Variants in ZNF490 observed in about 807,000 individuals in gnomAD.
ZNF490 encodes zinc finger protein 490.
In ZNF490, 11 loss-of-function variants were observed where a neutral mutation model predicts 17.7. The ratio of observed to expected loss-of-function variants is 0.62; its 90% CI spans 0.39 to 1.03. ZNF490 has a LOEUF of 1.03. Ranked by LOEUF, ZNF490 falls within the 50% of genes least tolerant of loss-of-function variation. The probability of loss-of-function intolerance (pLI) is 0.00; values close to 1 mark genes in which losing one functional copy is unlikely to be tolerated. For synonymous variants in ZNF490, 222 were observed against 216.1 expected (o/e 1.03, Z -0.24); for missense variants, 542 against 643.4 (o/e 0.84, Z 1.71).
Position 12,580,433 on chromosome 19 carries a change from A to G in ZNF490, c.*52T>C. 17 of 1,526,436 alleles carry G rather than the reference A, an allele frequency of 1.1e-5. No homozygotes were observed. Among genetic ancestry groups the G allele is most frequent in the Non-Finnish European group, 1.4e-5 (16 of 1,139,608 alleles). The allele number at this position is 1,526,436 out of a possible 1,614,324, so 94.6% of individuals were successfully genotyped here. On this transcript the variant is annotated 3_prime_UTR_variant, in exon 5 of 5. Transcript: ENST00000311437. Reference sequence around the variant, plus strand: ...ATTTCTCTCCAGCGTAAGTACTCTCATACATCCAAAAGGAACTAATACAAC... The same window carrying G: ...ATTTCTCTCCAGCGTAAGTACTCTCGTACATCCAAAAGGAACTAATACAAC...
At chr19:12,587,442 C>A (rs2022816685) in intron 2 of ZNF490, among the ~76,000 whole-genome samples, 1 of 57,952 alleles carries the variant, frequency 1.7e-5, no homozygotes. Flanking sequence ...GCCAACAAAT[C>A]CACTTTAAAT....
chr19:12,581,301 T>C lies in ZNF490; in HGVS notation c.774A>G (p.Ala258=), dbSNP rs776134808. The change falls in exon 5 of 5, where the codon GCA becomes GCG. Residue 258 remains alanine (A), a synonymous_variant. Coordinates refer to ENST00000311437, the MANE Select transcript of ZNF490 (RefSeq NM_020714.3). ...TPYECKECGK[A]FRYLTALRRH... Reference sequence around the variant, plus strand: ...GCCGAAGAGCAGTGAGATATCTGAATGCCTTCCCACATTCCTTACATTCAT... The same window carrying C: ...GCCGAAGAGCAGTGAGATATCTGAACGCCTTCCCACATTCCTTACATTCAT... 1.2e-6 allele frequency: 2 copies of C among 1,614,068 alleles called. No homozygotes were observed. The highest frequency in any genetic ancestry group is 4.5e-5 in the East Asian group (2 of 44,886).
intron 4 of ZNF490, 120 bp downstream of exon 4, chr19:12,582,730 A>G (rs1391773675): frequency 1.1e-6 from 1 of 947,838 alleles, no homozygotes; most frequent in Non-Finnish European, 1.7e-6. Context: ...TTCAGTAAAA[A>G]TTTTCTAAGA....
intron 2 of ZNF490, among the ~76,000 whole-genome samples, chr19:12,588,379 A>G (rs1158207084): frequency 6.6e-6 from 1 of 152,204 alleles, no homozygotes; most frequent in East Asian, 1.9e-4. Context: ...CAGTGATAGA[A>G]GGGCATTACA....
chr19:12,609,107 T>C (rs2023109565), intron 2 of ZNF490, 51 bp downstream of exon 2: 5 of 1,591,206 alleles, frequency 3.1e-6, no homozygotes, highest in Non-Finnish European at 4.3e-6. Flanking sequence ...ACCCAAATGG[T>C]CATTATAAAC....
chr19:12,590,477 C>T (rs926665509), intron 2 of ZNF490, among the ~76,000 whole-genome samples: 3 of 152,036 alleles, frequency 2.0e-5, no homozygotes, highest in Non-Finnish European at 4.4e-5. Flanking sequence ...CCTGCCTCGG[C>T]CTCCTAAAGT....
rs1035150022 is a variant in ZNF490 at position 12,584,434 on chromosome 19, G to T, written c.163-878C>A. On this transcript the variant is annotated intron_variant, in intron 2 of 4. Transcript: ENST00000311437. ...GCCTCCCAAAGTGCTGGGATTACAGGCGTGAGCCACCGCGCCCGGCCACCT... is the reference window on the plus strand; with the variant it reads ...GCCTCCCAAAGTGCTGGGATTACAGTCGTGAGCCACCGCGCCCGGCCACCT... 2.1e-5 allele frequency among the ~76,000 whole-genome samples: 2 copies of T among 94,464 alleles called. 1 individual carries two copies. The highest frequency in any genetic ancestry group is 2.0e-4 in the Admixed American group (2 of 10,144). The allele number at this position is 94,464 out of a possible 152,430, so 62.0% of individuals were successfully genotyped here.
intron 4 of ZNF490, among the ~76,000 whole-genome samples, chr19:12,582,606 G>C (rs538947897): frequency 6.6e-6 from 1 of 152,040 alleles, no homozygotes; most frequent in African/African-American, 2.4e-5. Flanking sequence ...ATGTTGGCCA[G>C]GATGGTCTCG....
Position 12,582,929 on chromosome 19 carries a change from G to T in ZNF490, c.290-19C>A. 6.3e-7 allele frequency: 1 copy of T among 1,590,842 alleles called. No homozygotes were observed. Reference sequence around the variant, plus strand: ...TTTTCCCCTAAAATACAAGCCCAGAGAACTCACAATAAATTATTAGAAATT... The same window carrying T: ...TTTTCCCCTAAAATACAAGCCCAGATAACTCACAATAAATTATTAGAAATT... On this transcript the variant is annotated intron_variant, in intron 3 of 4. Coordinates refer to ENST00000311437, the MANE Select transcript of ZNF490 (RefSeq NM_020714.3).
intron 2 of ZNF490, among the ~76,000 whole-genome samples, chr19:12,595,415 T>C (rs1311432217): frequency 6.6e-6 from 1 of 152,120 alleles, no homozygotes; most frequent in Non-Finnish European, 1.5e-5. Context: ...GTCCAGCCTT[T>C]TTTTTAGTTG....
At chr19:12,605,259 A>G (rs1036289080) in intron 2 of ZNF490, among the ~76,000 whole-genome samples, 2 of 152,138 alleles carry the variant, frequency 1.3e-5, no homozygotes, top group South Asian at 2.1e-4. Flanking sequence ...AGGTGGGAGG[A>G]TCTCTTGAGA....
At chr19:12,583,302 G>C in intron 3 of ZNF490, 128 bp downstream of exon 3, 1 of 1,122,788 alleles carries the variant, frequency 8.9e-7, no homozygotes, top group Non-Finnish European at 1.2e-6. Context: ...GCCTCCCAAA[G>C]CACTGGGATT....
chr19:12,596,858 T>G (rs533474810), intron 2 of ZNF490, among the ~76,000 whole-genome samples: 1 of 152,328 alleles, frequency 6.6e-6, no homozygotes, highest in African/African-American at 2.4e-5. Flanking sequence ...CTTAATGTTC[T>G]GACCCAAATG....
chr19:12,602,114 A>ACG (rs1230237700), intron 2 of ZNF490, among the ~76,000 whole-genome samples: 2 of 151,002 alleles, frequency 1.3e-5, no homozygotes, highest in Non-Finnish European at 3.0e-5. Context: ...ACACACACAC[A>ACG]CACACACACA....
chr19:12,592,635 TATG>T (rs2022886457), intron 2 of ZNF490, among the ~76,000 whole-genome samples: 1 of 152,190 alleles, frequency 6.6e-6, no homozygotes, highest in South Asian at 2.1e-4. Context: ...ATGATGCAGC[TATG>T]ATGAATAGCA....
intron 2 of ZNF490, among the ~76,000 whole-genome samples, chr19:12,601,296 G>A (rs1438453389): frequency 6.6e-6 from 1 of 151,896 alleles, no homozygotes. Flanking sequence ...GCTGAGGCAG[G>A]AGAATGGTGT....
intron 2 of ZNF490, among the ~76,000 whole-genome samples, chr19:12,599,139 C>CAAAAAAAAAAAAAAAAAAAAA (rs55911311): frequency 5.4e-4 from 37 of 68,582 alleles, no homozygotes; most frequent in African/African-American, 8.0e-4. Context: ...GACTCTGTCT[C>CAAAAAAAAAAAAAAAAAAAAA]AAAAAAAAAA....
At position 12,610,646 on chromosome 19, in the gene ZNF490, TC is replaced by T. The variant is rs1466688940; in HGVS notation, c.34del (p.Glu12SerfsTer53). 3 of 1,613,644 alleles carry T rather than the reference TC, an allele frequency of 1.9e-6. No individual in the cohort carries two copies. In the African/African-American group the frequency reaches 4.0e-5, roughly 22 times the overall value. On this transcript the variant is annotated frameshift_variant, in exon 1 of 5. Coordinates refer to ENST00000311437, the MANE Select transcript of ZNF490 (RefSeq NM_020714.3). LOFTEE classifies it high-confidence loss of function. The part of the protein sequence containing the change: ...RRNSSLSFQM[E>X]RPLEEQVQSK... ...CTGGACTTGCTCCTCGAGGGGTCGC[TC>T]CATCTGGAAACTGAGACTGGAATTC...
In ZNF490 at chr19:12,585,747, T is replaced by C; in HGVS notation, c.163-2191A>G. On this transcript the variant is annotated intron_variant, in intron 2 of 4. Coordinates refer to ENST00000311437, the MANE Select transcript of ZNF490 (RefSeq NM_020714.3). ...CTCTGTCACCCAGGCTGGAGTGCAG[T>C]GGTGCAATCTTGGCTCACTACAACC... is the stretch of plus-strand genomic sequence containing the variant. Among the ~76,000 whole-genome samples, 2 of 92,874 alleles carry C rather than the reference T, an allele frequency of 2.2e-5. 1 individual carries two copies. Among genetic ancestry groups the C allele is most frequent in the African/African-American group, 6.4e-5 (2 of 31,092 alleles). 60.9% of individuals were successfully genotyped at this position (92,874 alleles called of 152,430 possible).
Sources: gnomAD v4.1 joint callset for allele counts (sites outside exome capture counted in the v4.1 genomes callset) on GRCh38, gnomAD v4.1.1 for gene constraint, MANE v1.5 for transcripts, NCBI Gene and HGNC (gene_info 2026-07-23, HGNC 2026-07-21) for gene names.